The following FOXN3 variants were observed in gnomAD, a reference collection of about 807,000 sequenced individuals.
The protein encoded by FOXN3 is forkhead box N3.
A neutral mutation model predicts 38.4 loss-of-function variants in FOXN3; 7 were observed. That is an observed-to-expected ratio of 0.18 (90% CI 0.10 to 0.34). The LOEUF (loss-of-function observed/expected upper bound fraction) is 0.34, where lower values mean the gene tolerates loss of function less well. Among genes scored for constraint, FOXN3 ranks in the 10% least tolerant of loss-of-function variants. The probability of loss-of-function intolerance (pLI) is 1.00; values close to 1 mark genes in which losing one functional copy is unlikely to be tolerated. For synonymous variants in FOXN3, 230 were observed against 242.2 expected, an observed-to-expected ratio of 0.95 and a Z score of 0.47; for missense variants, 456 against 613.4, an observed-to-expected ratio of 0.74 and a Z score of 2.71.
At chr14:89,550,335 A>G (rs1894977146) in intron 1 of FOXN3, among the ~76,000 whole-genome samples, 1 of 152,152 alleles carries the variant, frequency 6.6e-6, no homozygotes, top group Non-Finnish European at 1.5e-5. Flanking sequence ...ATGTATAAAA[A>G]ACTTGTTATA....
rs1362139836 is a variant in FOXN3 at position 89,162,364 on chromosome 14, C to A, written c.*50G>T. ...CCACAAATCATTAGAAATCTCCTGA[C>A]ATGCTGAAACCAAATGGTCGTAAGT... is the stretch of plus-strand genomic sequence containing the variant. On this transcript the variant is annotated 3_prime_UTR_variant, in exon 6 of 6. Coordinates refer to ENST00000557258, the MANE Select transcript of FOXN3 (RefSeq NM_005197.4). This position sits in a 1 kb window ranked among gnomAD's most constrained non-coding sequence, Gnocchi z 7.2. The A allele has an allele frequency of 1.4e-6, 2 of 1,432,752 alleles. No homozygotes were observed. Among genetic ancestry groups the A allele is most frequent in the South Asian group, 3.0e-5 (2 of 67,336 alleles). 88.8% of individuals were successfully genotyped at this position (1,432,752 alleles called of 1,614,324 possible). A position where few individuals can be genotyped will look rare whatever the true frequency, so the allele number is the denominator to read the frequency against.
intron 1 of FOXN3, among the ~76,000 whole-genome samples, chr14:89,496,685 T>A (rs1257272497): frequency 6.6e-6 from 1 of 152,178 alleles, no homozygotes; most frequent in Non-Finnish European, 1.5e-5. Context: ...CACTTTTAAG[T>A]GTATAGTTCA....
chr14:89,303,495 C>T (rs201150454), intron 3 of FOXN3, among the ~76,000 whole-genome samples: 4 of 57,912 alleles, frequency 6.9e-5, no homozygotes, highest in South Asian at 1.6e-3. Context: ...TAAACATCTG[C>T]TAAAAAAAAA....
intron 1 of FOXN3, among the ~76,000 whole-genome samples, chr14:89,579,023 A>T (rs1348903712): frequency 6.6e-6 from 1 of 151,344 alleles, no homozygotes; most frequent in Non-Finnish European, 1.5e-5. Context: ...AATTTTTTAA[A>T]TTTTTTTCTA....
At chr14:89,594,719 C>A (rs1566712500) in intron 1 of FOXN3, among the ~76,000 whole-genome samples, 1 of 152,078 alleles carries the variant, frequency 6.6e-6, no homozygotes, top group Non-Finnish European at 1.5e-5. Flanking sequence ...ATTTTATCTG[C>A]CTTCTCCTTT....
chr14:89,162,714 G>A lies in FOXN3; in HGVS notation c.1107C>T (p.Ser369=), dbSNP rs778753018. The A allele has an allele frequency of 8.1e-6, 13 of 1,613,858 alleles. No individual in the cohort carries two copies. Among genetic ancestry groups the A allele is most frequent in the South Asian group, 5.5e-5 (5 of 91,064 alleles). Residue 369 remains serine (S), a synonymous_variant, in exon 6 of 6, where the codon AGC becomes AGT. Transcript: ENST00000557258. The surrounding 1 kb of genome is among the most constrained non-coding windows in gnomAD (Gnocchi z 7.2). ...EGSFRSHESP[S]DTEEDDRKHS... Reference sequence around the variant, plus strand: ...GCTTCCTGTCGTCCTCTTCCGTGTCGCTGGGGCTCTCGTGGCTCCGGAAGC... The same window carrying A: ...GCTTCCTGTCGTCCTCTTCCGTGTCACTGGGGCTCTCGTGGCTCCGGAAGC...
intron 4 of FOXN3, chr14:89,230,744 CTT>C (rs1596118398): frequency 5.3e-6 from 2 of 378,616 alleles, no homozygotes; most frequent in East Asian, 7.4e-5. Flanking sequence ...GCCACACACT[CTT>C]TATTAAATAA....
intron 3 of FOXN3, among the ~76,000 whole-genome samples, chr14:89,335,091 A>T (rs1203267236): frequency 7.4e-5 from 3 of 40,762 alleles, no homozygotes; most frequent in African/African-American, 1.4e-4. Flanking sequence ...ACACACACAC[A>T]CACACACACA....
At chr14:89,210,093 T>C (rs1888482590) in intron 4 of FOXN3, among the ~76,000 whole-genome samples, 1 of 152,256 alleles carries the variant, frequency 6.6e-6, no homozygotes, top group South Asian at 2.1e-4. Flanking sequence ...GCACCTAGCA[T>C]ACTGATACGG....
At chr14:89,588,958 A>G (rs1393711766) in intron 1 of FOXN3, among the ~76,000 whole-genome samples, 1 of 152,186 alleles carries the variant, frequency 6.6e-6, no homozygotes, top group Non-Finnish European at 1.5e-5. Flanking sequence ...CATCTTTTAA[A>G]GGGTGTACAA....
chr14:89,297,124 C>G (rs1887061783), intron 3 of FOXN3, among the ~76,000 whole-genome samples: 1 of 134,190 alleles, frequency 7.5e-6, no homozygotes, highest in African/African-American at 2.7e-5. Context: ...ATTTGTAAAA[C>G]TAACAAGAGG....
At chr14:89,522,909 A>C (rs1409510872) in intron 1 of FOXN3, among the ~76,000 whole-genome samples, 1 of 151,878 alleles carries the variant, frequency 6.6e-6, no homozygotes, top group Admixed American at 6.6e-5. Context: ...CCAATTAAAA[A>C]CACAGACTGT....
At chr14:89,559,809 T>C (rs1428678995) in intron 1 of FOXN3, among the ~76,000 whole-genome samples, 3 of 152,170 alleles carry the variant, frequency 2.0e-5, no homozygotes, top group African/African-American at 4.8e-5. Context: ...ATTCTCTTTA[T>C]ATCTGGGACA....
chr14:89,222,926 G>A (rs1372470376), intron 4 of FOXN3, among the ~76,000 whole-genome samples: 1 of 152,044 alleles, frequency 6.6e-6, no homozygotes, highest in African/African-American at 2.4e-5. Flanking sequence ...AAACAATTTG[G>A]CCTCAATTTT....
chr14:89,229,394 C>T (rs370262057), intron 4 of FOXN3, among the ~76,000 whole-genome samples: 3 of 152,010 alleles, frequency 2.0e-5, no homozygotes, highest in African/African-American at 7.3e-5. Context: ...ACTCTGACCA[C>T]GGGATTAAAG....
chr14:89,317,238 T>C (rs1566954714), intron 3 of FOXN3, among the ~76,000 whole-genome samples: 1 of 152,230 alleles, frequency 6.6e-6, no homozygotes, highest in Non-Finnish European at 1.5e-5. Context: ...CATCTGCACA[T>C]GGCACAGCTG....
intron 4 of FOXN3, among the ~76,000 whole-genome samples, chr14:89,208,351 T>G (rs949632405): frequency 3.3e-5 from 5 of 152,184 alleles, no homozygotes; most frequent in Admixed American, 2.0e-4. Context: ...TAATTATCAT[T>G]TTTCACTGAG....
intron 1 of FOXN3, among the ~76,000 whole-genome samples, chr14:89,574,917 T>C (rs1283265562): frequency 6.6e-6 from 1 of 152,190 alleles, no homozygotes; most frequent in African/African-American, 2.4e-5. Context: ...CTGTATGTTG[T>C]GCCTTTATAG....
intron 3 of FOXN3, among the ~76,000 whole-genome samples, chr14:89,325,470 G>A (rs1325469027): frequency 6.6e-6 from 1 of 152,136 alleles, no homozygotes; most frequent in African/African-American, 2.4e-5. Context: ...GGCTACTGGG[G>A]CCCTTTCTTC....
Sources: allele counts gnomAD v4.1 joint callset (sites outside exome capture counted in the v4.1 genomes callset), GRCh38; gene constraint gnomAD v4.1.1; non-coding constraint Gnocchi (gnomAD v3.1); transcripts MANE v1.5; gene names NCBI Gene and HGNC (gene_info 2026-07-23, HGNC 2026-07-21).